THAP12: variants seen among roughly 807,000 people sequenced by gnomAD.
THAP12 encodes the protein 52 kDa repressor of the inhibitor of the protein kinase.
Under a neutral mutation model 63.0 loss-of-function variants are expected in THAP12, and 20 were observed. The ratio of observed to expected loss-of-function variants is 0.32; its 90% CI spans 0.22 to 0.46. The LOEUF is 0.46. Ranked by LOEUF, THAP12 falls within the 20% of genes least tolerant of loss-of-function variation. The pLI, the probability that THAP12 is intolerant of heterozygous loss-of-function variation, is 1.00. For missense variants in THAP12, 568 were observed against 908.2 expected (o/e 0.63, Z 4.81); for synonymous variants, 264 against 328.4 (o/e 0.80, Z 2.12).
In THAP12 at chr11:76,350,883, T is replaced by G. The variant is rs767326343; in HGVS notation, c.2267A>C (p.Glu756Ala). The change falls in exon 5 of 5, where the codon GAA becomes GCA. Residue 756 changes from glutamate (E) to alanine (A), a missense_variant. Glu to Ala is a moderately radical substitution (Grantham distance 107). Transcript: ENST00000260045. The stretch of plus-strand genomic sequence containing the variant: ...AGTCTCTTAGGTATTTTCCACAGTT[T>G]CGGAATTATCTGTAGGAAGCTCTGA... ...SKSELPTDNS[E>A]TVENT The G allele has an allele frequency of 6.5e-6, 10 of 1,537,276 alleles. No homozygotes were observed. In the African/African-American group the frequency reaches 1.2e-4, roughly 19 times the overall value.
At chr11:76,360,927 G>T in intron 3 of THAP12, 29 bp downstream of exon 3, 1 of 1,440,144 alleles carries the variant, frequency 6.9e-7, no homozygotes, top group Non-Finnish European at 9.7e-7. Flanking sequence ...ATGGGGGAAG[G>T]TGGGAAAGCT....
intron 3 of THAP12, chr11:76,355,916 C>T (rs367944476): frequency 5.9e-5 from 17 of 287,686 alleles, no homozygotes; most frequent in South Asian, 1.3e-4. Flanking sequence ...CCTAAATCAT[C>T]GTAACTTTGG....
chr11:76,351,578 C>T lies in THAP12; in HGVS notation c.1572G>A (p.Val524=). ...CATGATAAACTTCAATATTTTCCAT[C>T]ACTTCGTTGAGTGAATGCAGTACTG... ...LTAVLHSLNE[V]MENIEVYHEF... is the part of the protein sequence containing the mutation. The change falls in exon 5 of 5, where the codon GTG becomes GTA. Residue 524 remains valine, a synonymous_variant. Transcript: ENST00000260045. 3.8e-6 allele frequency: 6 copies of T among 1,584,274 alleles called. No individual in the cohort carries two copies. Among genetic ancestry groups the T allele is most frequent in the Non-Finnish European group, 5.2e-6 (6 of 1,161,450 alleles).
At chr11:76,354,600 T>C (rs1747620513) in intron 4 of THAP12, among the ~76,000 whole-genome samples, 1 of 152,226 alleles carries the variant, frequency 6.6e-6, no homozygotes, top group African/African-American at 2.4e-5. Flanking sequence ...TACCATTGCC[T>C]TAATTCAAGG....
chr11:76,359,751 C>T (rs746654117), intron 3 of THAP12, among the ~76,000 whole-genome samples: 2 of 149,686 alleles, frequency 1.3e-5, no homozygotes, highest in Non-Finnish European at 3.0e-5. Context: ...TGCTGGAAAC[C>T]GGGAGGTGGA....
intron 3 of THAP12, chr11:76,358,035 A>C (rs1463473235): frequency 1.3e-5 from 2 of 152,198 alleles, no homozygotes; most frequent in African/African-American, 4.8e-5. Context: ...ATAAACTTTT[A>C]GAAACATTAA....
At chr11:76,367,432 T>C (rs966096319) in intron 1 of THAP12, among the ~76,000 whole-genome samples, 2 of 151,130 alleles carry the variant, frequency 1.3e-5, no homozygotes, top group Non-Finnish European at 2.9e-5. Context: ...TATCACAAAT[T>C]ATTTTTTTGA....
intron 4 of THAP12, among the ~76,000 whole-genome samples, chr11:76,353,235 A>G (rs1025203513): frequency 6.6e-6 from 1 of 152,234 alleles, no homozygotes; most frequent in Non-Finnish European, 1.5e-5. Context: ...AATGAATGAC[A>G]GTCCATGCCC....
intron 3 of THAP12, chr11:76,357,020 C>CA (rs990425376): frequency 2.7e-5 from 4 of 146,478 alleles, no homozygotes; most frequent in African/African-American, 1.0e-4. Flanking sequence ...CCAGCCTGGG[C>CA]AACAAGAGCG....
chr11:76,377,716 T>C (rs1401003081), intron 1 of THAP12, among the ~76,000 whole-genome samples: 1 of 152,220 alleles, frequency 6.6e-6, no homozygotes, highest in African/African-American at 2.4e-5. Context: ...GTACATTTGG[T>C]TTTTTTGAAT....
rs900019490 is a variant in THAP12 at position 76,365,247 on chromosome 11, T to C, written c.210+605A>G. Among the ~76,000 whole-genome samples, 4 of 143,066 alleles carry C rather than the reference T, an allele frequency of 2.8e-5. No homozygotes were observed. The South Asian group carries it at 6.5e-4, about 23-fold the overall frequency. The allele number at this position is 143,066 out of a possible 152,430, so 93.9% of individuals were successfully genotyped here. On this transcript the variant is annotated intron_variant, in intron 2 of 4. Coordinates refer to ENST00000260045, the MANE Select transcript of THAP12 (RefSeq NM_004705.4). ...TGGCAGAAGTTGCAGTGAGCTAAGA[T>C]AGCGCCACTGCACTCCAGCCTGGGT...
At chr11:76,366,084 G>T in intron 1 of THAP12, 112 bp from the exon 2 acceptor site, 1 of 1,222,598 alleles carries the variant, frequency 8.2e-7, no homozygotes, top group Non-Finnish European at 1.1e-6. Flanking sequence ...TCCCCTCCCT[G>T]AGAACATAAT....
intron 2 of THAP12, among the ~76,000 whole-genome samples, chr11:76,364,681 G>C (rs1194860741): frequency 6.6e-6 from 1 of 152,162 alleles, no homozygotes; most frequent in Non-Finnish European, 1.5e-5. Flanking sequence ...CCCAAAGAGG[G>C]GAAGTGACTT....
chr11:76,355,960 A>C (rs1946558407), intron 3 of THAP12: 1 of 210,440 alleles, frequency 4.8e-6, no homozygotes, highest in African/African-American at 2.3e-5. Flanking sequence ...GAAAGGCACA[A>C]AAATACACCA....
chr11:76,375,182 C>T (rs1946700671), intron 1 of THAP12, among the ~76,000 whole-genome samples: 1 of 152,114 alleles, frequency 6.6e-6, no homozygotes, highest in Non-Finnish European at 1.5e-5. Context: ...CCAGAAGAAC[C>T]TTGGAAGCCC....
chr11:76,358,483 A>G (rs751249835), intron 3 of THAP12: 3 of 152,194 alleles, frequency 2.0e-5, no homozygotes, highest in Non-Finnish European at 4.4e-5. Context: ...AATACATGCA[A>G]TGAAAGCATG....
Position 76,352,560 on chromosome 11 carries a change from G to A in THAP12, c.590C>T (p.Thr197Ile), listed in dbSNP as rs1946534769. The change falls in exon 5 of 5, where the codon ACT becomes ATT. Residue 197 changes from threonine (T) to isoleucine (I), a missense_variant. Coordinates refer to ENST00000260045, the MANE Select transcript of THAP12 (RefSeq NM_004705.4). ...EADEIPEGLF[T>I]PDNFQALLEC... Reference sequence around the variant, plus strand: ...CAGCAGTGCCTGAAAGTTATCTGGAGTAAAGAGACCTTCTGGGATTTCATC... The same window carrying A: ...CAGCAGTGCCTGAAAGTTATCTGGAATAAAGAGACCTTCTGGGATTTCATC... The A allele has an allele frequency of 6.2e-7, 1 of 1,612,004 alleles. No homozygotes were observed. The highest frequency in any genetic ancestry group is 8.5e-7 in the Non-Finnish European group (1 of 1,179,846).
intron 1 of THAP12, among the ~76,000 whole-genome samples, chr11:76,370,489 T>C (rs1455657241): frequency 6.6e-6 from 1 of 151,230 alleles, no homozygotes; most frequent in Non-Finnish European, 1.5e-5. Context: ...CAGTCTCCCA[T>C]GTAGCTGGGA....
At chr11:76,360,348 C>T (rs982310094) in intron 3 of THAP12, among the ~76,000 whole-genome samples, 6 of 152,072 alleles carry the variant, frequency 3.9e-5, no homozygotes, top group African/African-American at 1.4e-4. Context: ...AAATAAGGGC[C>T]TTGCTAGTGG....
Sources: allele counts gnomAD v4.1 joint callset (sites outside exome capture counted in the v4.1 genomes callset), GRCh38; gene constraint gnomAD v4.1.1; transcripts MANE v1.5; gene names NCBI Gene and HGNC (gene_info 2026-07-23, HGNC 2026-07-21).